The following SRRM3 variants were observed in gnomAD, a reference collection of about 807,000 sequenced individuals.
The protein encoded by SRRM3 is serine/arginine repetitive matrix 3.
A neutral mutation model predicts 66.2 loss-of-function variants in SRRM3; 27 were observed. The observed-to-expected ratio is 0.41, with a 90% CI of 0.30 to 0.56. The LOEUF is 0.56. SRRM3 is among the 20% of genes least tolerant of loss of function. SRRM3 has a pLI of 0.32. For missense variants in SRRM3, 918 were observed against 991.9 expected (o/e 0.93, Z 1.00); for synonymous variants, 391 against 414.9 (o/e 0.94, Z 0.70).
chr7:76,215,426 G>C (rs1027717971), intron 1 of SRRM3, among the ~76,000 whole-genome samples: 5 of 131,838 alleles, frequency 3.8e-5, no homozygotes, highest in African/African-American at 1.5e-4. Flanking sequence ...TTTTTAGACA[G>C]GGTCTGGCTC....
At chr7:76,261,697 G>A (rs782502918) in intron 8 of SRRM3, 116 bp downstream of exon 8, 8 of 1,201,472 alleles carry the variant, frequency 6.7e-6, no homozygotes, top group Non-Finnish European at 9.6e-6. Flanking sequence ...TTCAGCTCCA[G>A]GGTTCCTTCC....
chr7:76,246,011 C>T (rs1801432023), intron 2 of SRRM3, among the ~76,000 whole-genome samples: 1 of 151,964 alleles, frequency 6.6e-6, no homozygotes, highest in African/African-American at 2.4e-5. Flanking sequence ...AGGTCTTATT[C>T]ATTCTATTTT....
chr7:76,250,266 T>C (rs1329850069), intron 3 of SRRM3, among the ~76,000 whole-genome samples: 1 of 148,530 alleles, frequency 6.7e-6, no homozygotes, highest in Admixed American at 6.7e-5. Flanking sequence ...AGTTTTGCTC[T>C]TATCACTCAG....
intron 1 of SRRM3, among the ~76,000 whole-genome samples, chr7:76,233,108 C>T (rs1024961589): frequency 6.6e-5 from 10 of 152,062 alleles, no homozygotes; most frequent in African/African-American, 2.2e-4. Flanking sequence ...TTCAAGACCA[C>T]CCTGGGCAAA....
chr7:76,255,786 A>G (rs1308069947), intron 3 of SRRM3, among the ~76,000 whole-genome samples: 1 of 152,110 alleles, frequency 6.6e-6, no homozygotes, highest in Non-Finnish European at 1.5e-5. Flanking sequence ...GGCTTCAAAG[A>G]GTCAATTAGT....
intron 3 of SRRM3, among the ~76,000 whole-genome samples, chr7:76,249,879 AAATAAT>A: frequency 6.6e-6 from 1 of 152,032 alleles, no homozygotes; most frequent in African/African-American, 2.4e-5. Context: ...AATAATAATA[AAATAAT>A]AATAATAATA....
At chr7:76,223,154 A>G (rs981497453) in intron 1 of SRRM3, among the ~76,000 whole-genome samples, 2 of 152,088 alleles carry the variant, frequency 1.3e-5, no homozygotes, top group Non-Finnish European at 2.9e-5. Context: ...CTCCTTCTGC[A>G]TTTCTCTCGT....
rs2117116653 is a variant in SRRM3 at position 76,281,622 on chromosome 7, G to A, written c.1190G>A (p.Arg397Gln). 2 of 973,736 alleles carry A rather than the reference G, an allele frequency of 2.1e-6. No homozygotes were observed. Among genetic ancestry groups the A allele is most frequent in the South Asian group, 4.6e-5 (1 of 21,754 alleles). 60.3% of individuals were successfully genotyped at this position (973,736 alleles called of 1,614,324 possible). The change falls in exon 12 of 15, where the codon CGG (arginine) becomes CAG (glutamine). Residue 397 changes from arginine (R) to glutamine (Q), a missense_variant. Physicochemically the swap from Arg to Gln is conservative, Grantham distance 43 (BLOSUM62 1). Coordinates refer to ENST00000611745, the MANE Select transcript of SRRM3 (RefSeq NM_001110199.3). ...RRRRRRRRRSRSSASAPRRRG... is the reference protein window; with the variant it reads ...RRRRRRRRRSQSSASAPRRRG... Reference sequence around the variant, plus strand: ...CGGCGGCGTAGGCGGCGGCGCTCGCGGTCCTCGGCGTCCGCGCCCCGCCGC... The same window carrying A: ...CGGCGGCGTAGGCGGCGGCGCTCGCAGTCCTCGGCGTCCGCGCCCCGCCGC...
At chr7:76,254,208 C>CG (rs570608874) in intron 3 of SRRM3, among the ~76,000 whole-genome samples, 299 of 149,396 alleles carry the variant, frequency 2.0e-3, no homozygotes, top group Non-Finnish European at 3.8e-3. Flanking sequence ...TTTGTACAGA[C>CG]GGGGGTCTTG....
chr7:76,244,206 TG>T (rs1287610371), intron 2 of SRRM3, among the ~76,000 whole-genome samples: 1 of 152,044 alleles, frequency 6.6e-6, no homozygotes, highest in African/African-American at 2.4e-5. Context: ...CGACCCTAGC[TG>T]GGGGTCAGGG....
chr7:76,216,491 C>G (rs1800574561), intron 1 of SRRM3, among the ~76,000 whole-genome samples: 1 of 152,218 alleles, frequency 6.6e-6, no homozygotes, highest in Non-Finnish European at 1.5e-5. Context: ...GGGTCCCTTC[C>G]TTCTCTGAGC....
chr7:76,258,715 AAAAAAAAAAAAAAAAAAAGAAAAAG>A (rs1801778409), intron 3 of SRRM3, among the ~76,000 whole-genome samples: 1 of 75,716 alleles, frequency 1.3e-5, no homozygotes, highest in Non-Finnish European at 2.5e-5. Flanking sequence ...CTCCATCTCA[AAAAAAAAAAAAAAAAAAAGAAAAAG>A]AAAAAGAAAA....
chr7:76,265,841 TA>T, intron 10 of SRRM3, among the ~76,000 whole-genome samples: 1 of 9,072 alleles, frequency 1.1e-4, no homozygotes, highest in Non-Finnish European at 1.6e-4. Flanking sequence ...TATATATATA[TA>T]TATATATATA....
intron 1 of SRRM3, among the ~76,000 whole-genome samples, chr7:76,225,546 T>TG (rs1800842880): frequency 7.6e-6 from 1 of 132,234 alleles, no homozygotes; most frequent in Non-Finnish European, 1.5e-5. Context: ...GAACTGGTGA[T>TG]GGGGGTGCTG....
intron 1 of SRRM3, among the ~76,000 whole-genome samples, chr7:76,205,236 GTCTC>G (rs1320801437): frequency 1.3e-5 from 2 of 152,026 alleles, no homozygotes; most frequent in Non-Finnish European, 2.9e-5. Flanking sequence ...TTGAGACAGA[GTCTC>G]TCTCTGTCAC....
At chr7:76,247,756 G>A (rs1044135910) in intron 2 of SRRM3, among the ~76,000 whole-genome samples, 9 of 152,128 alleles carry the variant, frequency 5.9e-5, no homozygotes, top group African/African-American at 1.7e-4. Context: ...GTGCAGTGGC[G>A]TGATCTTGGC....
Position 76,285,432 on chromosome 7 carries a change from G to A in SRRM3, c.1734-183G>A, listed in dbSNP as rs1554612598. Among the ~76,000 whole-genome samples the A allele has an allele frequency of 1.3e-5, 2 of 152,202 alleles. No individual in the cohort carries two copies. The highest frequency in any genetic ancestry group is 4.8e-5 in the African/African-American group (2 of 41,442). On this transcript the variant is annotated intron_variant, in intron 14 of 14. Transcript: ENST00000611745. The surrounding 1 kb of genome is among the most constrained non-coding windows in gnomAD (Gnocchi z 4.1). ...TGGTCTCCTTTCCCTGCAGATAGGT[G>A]AAGAAAAGCAAAATGATCAACATGG...
chr7:76,237,573 T>TCAAAA (rs1325390040), intron 2 of SRRM3, among the ~76,000 whole-genome samples: 1 of 152,210 alleles, frequency 6.6e-6, no homozygotes, highest in African/African-American at 2.4e-5. Flanking sequence ...AGACTCCATC[T>TCAAAA]CAAAACAAAA....
intron 1 of SRRM3, among the ~76,000 whole-genome samples, chr7:76,231,132 T>C (rs1328196148): frequency 1.3e-5 from 2 of 152,146 alleles, no homozygotes; most frequent in East Asian, 3.8e-4. Context: ...CCCCCTGGTC[T>C]GCTGGCCCAG....
Sources: allele counts gnomAD v4.1 joint callset (sites outside exome capture counted in the v4.1 genomes callset), GRCh38; gene constraint gnomAD v4.1.1; non-coding constraint Gnocchi (gnomAD v3.1); transcripts MANE v1.5; gene names NCBI Gene and HGNC (gene_info 2026-07-23, HGNC 2026-07-21).